The following RCC1L variants were observed in gnomAD, a reference collection of about 807,000 sequenced individuals.
RCC1L encodes the protein RCC1 like.
A neutral mutation model predicts 58.6 loss-of-function variants in RCC1L; 46 were observed. That is an observed-to-expected ratio of 0.79 (90% CI 0.62 to 1.00). RCC1L has a LOEUF of 1.00. Among genes scored for constraint, RCC1L ranks in the 50% least tolerant of loss-of-function variants. The pLI is 0.00. For synonymous variants in RCC1L, 281 were observed against 262.9 expected (o/e 1.07, Z -0.67); for missense variants, 636 against 623.6 (o/e 1.02, Z -0.21).
intron 7 of RCC1L, chr7:75,058,152 G>C (rs1256367446): frequency 2.0e-5 from 1 of 50,576 alleles, no homozygotes; most frequent in Non-Finnish European, 3.3e-5. Context: ...GGCCAGGCTG[G>C]TCTCGAACTC....
chr7:75,056,092 C>T lies in RCC1L; in HGVS notation c.1058-18G>A, dbSNP rs1554443904. 10 of 1,613,882 alleles carry T rather than the reference C, an allele frequency of 6.2e-6. No homozygotes were observed. In the South Asian group the frequency reaches 1.1e-4, roughly 18 times the overall value. On this transcript the variant is annotated intron_variant, in intron 8 of 10. Coordinates refer to ENST00000610322, the MANE Select transcript of RCC1L (RefSeq NM_030798.5). The stretch of plus-strand genomic sequence containing the variant: ...TCCTTCTCCTACATTACAGTAAAAA[C>T]AAGGGTCAGTAAGTCCATCCAAGTA...
At chr7:75,071,471 C>T (rs753993723) in intron 1 of RCC1L, among the ~76,000 whole-genome samples, 1 of 152,032 alleles carries the variant, frequency 6.6e-6, no homozygotes, top group Non-Finnish European at 1.5e-5. Flanking sequence ...CATGGTGAAA[C>T]CCCATCTCTA....
At chr7:75,048,562 G>T (rs1805816578) in intron 10 of RCC1L, among the ~76,000 whole-genome samples, 1 of 152,268 alleles carries the variant, frequency 6.6e-6, no homozygotes, top group Admixed American at 6.5e-5. Context: ...GTGTCTGGAG[G>T]ATGAGAGAGA....
chr7:75,073,345 G>T, intron 1 of RCC1L, 69 bp downstream of exon 1: 2 of 703,374 alleles, frequency 2.8e-6, no homozygotes, highest in South Asian at 3.2e-5. Flanking sequence ...GAAGAGAGCC[G>T]AACAGGTCGA....
chr7:75,044,599 GAAAAAA>G (rs1169350324), intron 10 of RCC1L, among the ~76,000 whole-genome samples: 4 of 40,676 alleles, frequency 9.8e-5, no homozygotes, highest in South Asian at 1.4e-3. Flanking sequence ...ACTCTGTCTC[GAAAAAA>G]AAAAAAAAAA....
Position 75,030,676 on chromosome 7 carries a change from T to TC in RCC1L, c.1318-2598dup, listed in dbSNP as rs1370922048. ...TGTCTTCACAATATGGCGCTCGGCT[T>TC]CCCCCCAGAGCAAGAGATTCAAGGG... On this transcript the variant is annotated intron_variant, in intron 10 of 10. Transcript: ENST00000614461. Among the ~76,000 whole-genome samples, 7 of 151,942 alleles carry TC rather than the reference T, an allele frequency of 4.6e-5. No individual in the cohort carries two copies. The East Asian group carries it at 9.7e-4, about 21-fold the overall frequency.
At chr7:75,043,196 C>T in intron 10 of RCC1L, 87 bp from the exon 11 acceptor site, 1 of 1,460,168 alleles carries the variant, frequency 6.8e-7, no homozygotes, top group Non-Finnish European at 9.6e-7. Flanking sequence ...GGCCCTGCCT[C>T]TCAGTAGGAG....
intron 6 of RCC1L, among the ~76,000 whole-genome samples, chr7:75,059,267 CT>C (rs1242893209): frequency 1.3e-3 from 187 of 140,126 alleles, no homozygotes; most frequent in Middle Eastern, 3.6e-3. Flanking sequence ...GCTCATACAA[CT>C]TTTTTTTTTT....
At chr7:75,071,611 G>GC (rs1341340402) in intron 1 of RCC1L, among the ~76,000 whole-genome samples, 1 of 152,166 alleles carries the variant, frequency 6.6e-6, no homozygotes, top group African/African-American at 2.4e-5. Flanking sequence ...CTGCATTCCA[G>GC]CCTGGGTGAC....
chr7:75,071,366 C>G (rs1436248999), intron 1 of RCC1L, among the ~76,000 whole-genome samples: 1 of 152,080 alleles, frequency 6.6e-6, no homozygotes, highest in Non-Finnish European at 1.5e-5. Flanking sequence ...TAGCAGCAGC[C>G]GAGTACGGTG....
intron 3 of RCC1L, among the ~76,000 whole-genome samples, chr7:75,066,017 C>CAAA (rs587689104): frequency 2.9e-4 from 40 of 138,920 alleles, no homozygotes; most frequent in African/African-American, 9.3e-4. Context: ...GACTCTGTCT[C>CAAA]AAAAAAAAAA....
chr7:75,041,523 T>C (rs1481231814), downstream of RCC1L, among the ~76,000 whole-genome samples: 1 of 151,952 alleles, frequency 6.6e-6, no homozygotes, highest in Non-Finnish European at 1.5e-5. Flanking sequence ...CCAAGTATTT[T>C]CTCCCAACTG....
intron 10 of RCC1L, among the ~76,000 whole-genome samples, chr7:75,045,437 C>A (rs1805690724): frequency 6.6e-6 from 1 of 152,192 alleles, no homozygotes; most frequent in South Asian, 2.1e-4. Context: ...GCTTCAGCCT[C>A]CCGAAGTGCT....
intron 7 of RCC1L, 78 bp from the exon 8 acceptor site, chr7:75,057,694 A>C: frequency 1.6e-6 from 2 of 1,281,546 alleles, no homozygotes; most frequent in Non-Finnish European, 2.3e-6. Context: ...TTAGGTACAG[A>C]GTAGCTGAGT....
At chr7:75,066,862 C>T (rs979437221) in intron 2 of RCC1L, 70 bp from the exon 3 acceptor site, 44 of 1,509,666 alleles carry the variant, frequency 2.9e-5, no homozygotes, top group Non-Finnish European at 3.5e-5. Context: ...TCCAACTCCA[C>T]GCTACTACAC....
intron 10 of RCC1L, among the ~76,000 whole-genome samples, chr7:75,051,387 T>C (rs1162188031): frequency 1.2e-4 from 18 of 150,754 alleles, no homozygotes; most frequent in East Asian, 9.7e-4. Flanking sequence ...TATACACACA[T>C]ATATATATAC....
intron 10 of RCC1L, among the ~76,000 whole-genome samples, chr7:75,051,393 T>G (rs1805911195): frequency 6.6e-6 from 1 of 151,118 alleles, no homozygotes; most frequent in Non-Finnish European, 1.5e-5. Flanking sequence ...CACATATATA[T>G]ATACACATTT....
At position 75,057,619 on chromosome 7, in the gene RCC1L, G is replaced by A. The variant is rs1007451429; in HGVS notation, c.970-3C>T. On this transcript the variant is annotated splice_polypyrimidine_tract_variant and splice_region_variant and intron_variant, in intron 7 of 10. Coordinates refer to ENST00000610322, the MANE Select transcript of RCC1L (RefSeq NM_030798.5). ...TGTAAGCAGCGGGGCACATTCACCTGAACCAAAGAAAGGAGCCACACTGTT... is the reference window on the plus strand; with the variant it reads ...TGTAAGCAGCGGGGCACATTCACCTAAACCAAAGAAAGGAGCCACACTGTT... 6.3e-5 allele frequency: 101 copies of A among 1,613,724 alleles called. 1 individual carries two copies. In the East Asian group the frequency reaches 2.3e-3, roughly 36 times the overall value.
chr7:75,051,339 T>C (rs1049901433), intron 10 of RCC1L, among the ~76,000 whole-genome samples: 26 of 148,014 alleles, frequency 1.8e-4, no homozygotes, highest in South Asian at 4.2e-4. Flanking sequence ...CACACACACA[T>C]ATATATACAC....
Sources: allele counts gnomAD v4.1 joint callset (sites outside exome capture counted in the v4.1 genomes callset), GRCh38; gene constraint gnomAD v4.1.1; transcripts MANE v1.5; gene names NCBI Gene and HGNC (gene_info 2026-07-23, HGNC 2026-07-21).